Variants in BMP7 observed in about 807,000 individuals in gnomAD.
BMP7 encodes the protein osteogenic protein 1.
Under a neutral mutation model 41.2 loss-of-function variants are expected in BMP7, and 12 were observed. The ratio of observed to expected loss-of-function variants is 0.29; its 90% CI spans 0.19 to 0.47. BMP7 has a LOEUF of 0.47. Among genes scored for constraint, BMP7 ranks in the 20% least tolerant of loss-of-function variants. BMP7 has a pLI of 0.99. For synonymous variants in BMP7, 248 were observed against 250.0 expected (o/e 0.99, Z 0.07); for missense variants, 467 against 606.0 (o/e 0.77, Z 2.41).
intron 1 of BMP7, among the ~76,000 whole-genome samples, chr20:57,230,833 T>A (rs1241515883): frequency 6.6e-6 from 1 of 151,802 alleles, no homozygotes; most frequent in African/African-American, 2.4e-5. Flanking sequence ...CCCGTCACCA[T>A]GCTCGGCTAA....
At chr20:57,178,298 G>A (rs1268533233) in intron 4 of BMP7, among the ~76,000 whole-genome samples, 1 of 152,176 alleles carries the variant, frequency 6.6e-6, no homozygotes, top group Non-Finnish European at 1.5e-5. Flanking sequence ...AAGGAATGAG[G>A]AAGCTGGGGC....
intron 2 of BMP7, among the ~76,000 whole-genome samples, chr20:57,218,293 T>C (rs1322101635): frequency 6.6e-6 from 1 of 152,264 alleles, no homozygotes; most frequent in Non-Finnish European, 1.5e-5. Context: ...GGGTTAAACA[T>C]GGGAACCTGT....
intron 3 of BMP7, among the ~76,000 whole-genome samples, chr20:57,193,152 A>G (rs1984416546): frequency 6.6e-6 from 1 of 152,178 alleles, no homozygotes; most frequent in Admixed American, 6.5e-5. Context: ...CCCTTTTGGT[A>G]TGCCCATCTG....
rs2066155817 is a variant in BMP7 at position 57,261,930 on chromosome 20, T to C, written c.418+3775A>G. ...CAACAAAAAGGACAGCCAGATGGCATAAAGCAAAAATCAAACTGCACGGCC... is the reference window on the plus strand; with the variant it reads ...CAACAAAAAGGACAGCCAGATGGCACAAAGCAAAAATCAAACTGCACGGCC... On this transcript the variant is annotated intron_variant, in intron 1 of 6. Coordinates refer to ENST00000395863, the MANE Select transcript of BMP7 (RefSeq NM_001719.3). The surrounding 1 kb of genome is among the most constrained non-coding windows in gnomAD (Gnocchi z 4.1). Among the ~76,000 whole-genome samples the C allele has an allele frequency of 6.6e-6, 1 of 152,228 alleles. No homozygotes were observed.
At chr20:57,265,474 G>A (rs1391007458) in intron 1 of BMP7, among the ~76,000 whole-genome samples, 2 of 152,260 alleles carry the variant, frequency 1.3e-5, no homozygotes. Context: ...GACTTCGGAG[G>A]ATCCCTCCTT....
intron 6 of BMP7, among the ~76,000 whole-genome samples, chr20:57,172,237 C>T (rs768080754): frequency 2.0e-5 from 3 of 152,166 alleles, no homozygotes; most frequent in African/African-American, 4.8e-5. Flanking sequence ...TTGGGGAGGA[C>T]TCTTCTGTTT....
chr20:57,184,057 T>C (rs765385668), intron 3 of BMP7, 138 bp from the exon 4 acceptor site: 2 of 1,023,184 alleles, frequency 2.0e-6, no homozygotes, highest in East Asian at 5.2e-5. Flanking sequence ...TATTGAGTAC[T>C]CACTCTAGGC....
At chr20:57,225,998 C>A (rs115676934) in intron 2 of BMP7, 17 of 467,496 alleles carry the variant, frequency 3.6e-5, no homozygotes, top group Non-Finnish European at 6.2e-5. Context: ...AGCCCAGAAG[C>A]CCCCAGGAGC....
At chr20:57,249,674 A>T (rs2066104473) in intron 1 of BMP7, among the ~76,000 whole-genome samples, 1 of 152,140 alleles carries the variant, frequency 6.6e-6, no homozygotes, top group African/African-American at 2.4e-5. Context: ...TTAGTCACAA[A>T]CTTCCAGGCA....
At chr20:57,173,668 G>A (rs1281944339) in intron 5 of BMP7, 2 of 349,486 alleles carry the variant, frequency 5.7e-6, no homozygotes, top group Non-Finnish European at 1.1e-5. Flanking sequence ...ATGAAGGAAA[G>A]CCCCACGGGG....
In BMP7 at chr20:57,214,903, T is replaced by C. The variant is rs1049013074; in HGVS notation, c.612-12280A>G. On this transcript the variant is annotated intron_variant, in intron 2 of 6. Coordinates refer to ENST00000395863, the MANE Select transcript of BMP7 (RefSeq NM_001719.3). This position sits in a 1 kb window ranked among gnomAD's most constrained non-coding sequence, Gnocchi z 4.0. ...AGCTTAGCACAAAGCAGGCCTCAGA[T>C]GCACGCTGGACAAATGTGCTGGTAT... is the stretch of plus-strand genomic sequence containing the variant. 5 of 152,406 alleles carry C rather than the reference T, an allele frequency of 3.3e-5. No individual in the cohort carries two copies. Among genetic ancestry groups the C allele is most frequent in the East Asian group, 3.9e-4 (2 of 5,188 alleles). The allele number at this position is 152,406 out of a possible 1,614,324, so 9.4% of individuals were successfully genotyped here. A position where few individuals can be genotyped will look rare whatever the true frequency, so the allele number is the denominator to read the frequency against.
intron 1 of BMP7, among the ~76,000 whole-genome samples, chr20:57,235,035 C>A (rs1252806727): frequency 6.6e-6 from 1 of 152,244 alleles, no homozygotes; most frequent in East Asian, 1.9e-4. Context: ...CTCCCAAACA[C>A]CAGTCCCTCC....
At position 57,174,384 on chromosome 20, in the gene BMP7, T is replaced by C. The variant is rs1404490180; in HGVS notation, c.1035+547A>G. ...CAGAGCTCACGGCAGGTGGATCACA[T>C]GACCCTCACTCCTCTCCTAGGATTC... On this transcript the variant is annotated intron_variant, in intron 5 of 6. Transcript: ENST00000395863. The surrounding 1 kb of genome is among the most constrained non-coding windows in gnomAD (Gnocchi z 4.3). Among the ~76,000 whole-genome samples the C allele has an allele frequency of 6.6e-5, 10 of 152,320 alleles. No homozygotes were observed. Among genetic ancestry groups the C allele is most frequent in the Middle Eastern group, 3.4e-3 (1 of 294 alleles).
chr20:57,251,826 C>G (rs913238451), intron 1 of BMP7, among the ~76,000 whole-genome samples: 2 of 152,114 alleles, frequency 1.3e-5, no homozygotes, highest in Non-Finnish European at 1.5e-5. Flanking sequence ...CCCAGCTACT[C>G]GGGAGGCTGA....
Position 57,228,300 on chromosome 20 carries a change from G to A in BMP7, c.540C>T (p.Tyr180=), listed in dbSNP as rs562434137. 27 of 1,614,036 alleles carry A rather than the reference G, an allele frequency of 1.7e-5. No homozygotes were observed. Among genetic ancestry groups the A allele is most frequent in the African/African-American group, 6.7e-5 (5 of 74,920 alleles). ...TAAEFRIYKD[Y]IRERFDNETF... is the part of the protein sequence containing the mutation. ...TCTCATTGTCGAAGCGTTCCCGGAT[G>A]TAGTCCTTGTAGATCCGGAATTCGG... The change falls in exon 2 of 7, where the codon TAC becomes TAT. Residue 180 remains tyrosine, a synonymous_variant. Coordinates refer to ENST00000395863, the MANE Select transcript of BMP7 (RefSeq NM_001719.3). The surrounding 1 kb of genome is among the most constrained non-coding windows in gnomAD (Gnocchi z 4.5).
Position 57,259,720 on chromosome 20 carries a change from G to A in BMP7, c.418+5985C>T, listed in dbSNP as rs573148707. ...TATTGCACATGCTTGCCTGAGTTTC[G>A]CATAAGTAAGTGTCAAACTTCATGC... On this transcript the variant is annotated intron_variant, in intron 1 of 6. Coordinates refer to ENST00000395863, the MANE Select transcript of BMP7 (RefSeq NM_001719.3). The surrounding 1 kb of genome is among the most constrained non-coding windows in gnomAD (Gnocchi z 4.7). 2.0e-5 allele frequency among the ~76,000 whole-genome samples: 3 copies of A among 152,206 alleles called. No homozygotes were observed. Among genetic ancestry groups the A allele is most frequent in the South Asian group, 2.1e-4 (1 of 4,818 alleles).
Position 57,174,627 on chromosome 20 carries a change from G to A in BMP7, c.1035+304C>T, listed in dbSNP as rs1472363113. ...CCCAGGTATCTACATTCAAACACAC[G>A]GCCCGGCATCATCTTGAGAAGCAGC... On this transcript the variant is annotated intron_variant, in intron 5 of 6. Coordinates refer to ENST00000395863, the MANE Select transcript of BMP7 (RefSeq NM_001719.3). This position sits in a 1 kb window ranked among gnomAD's most constrained non-coding sequence, Gnocchi z 4.3. 6.6e-6 allele frequency among the ~76,000 whole-genome samples: 1 copy of A among 152,158 alleles called. No homozygotes were observed. The highest frequency in any genetic ancestry group is 1.5e-5 in the Non-Finnish European group (1 of 68,022).
intron 2 of BMP7, among the ~76,000 whole-genome samples, chr20:57,219,476 G>T (rs1451392553): frequency 6.6e-6 from 1 of 152,078 alleles, no homozygotes; most frequent in Non-Finnish European, 1.5e-5. Context: ...ACAATATCTG[G>T]TGACATTTTT....
chr20:57,172,074 G>A (rs143429758), intron 6 of BMP7, among the ~76,000 whole-genome samples: 6 of 152,310 alleles, frequency 3.9e-5, no homozygotes, highest in Non-Finnish European at 7.3e-5. Flanking sequence ...GATGGAAGTA[G>A]GTGCACACAG....
Sources: gnomAD v4.1 joint callset for allele counts (sites outside exome capture counted in the v4.1 genomes callset) on GRCh38, gnomAD v4.1.1 for gene constraint, Gnocchi (gnomAD v3.1) non-coding constraint, MANE v1.5 for transcripts, NCBI Gene and HGNC (gene_info 2026-07-23, HGNC 2026-07-21) for gene names.